ADGRF3: variants seen among roughly 807,000 people sequenced by gnomAD.
The protein encoded by ADGRF3 is adhesion G protein-coupled receptor F3.
In ADGRF3, 85 loss-of-function variants were observed where a neutral mutation model predicts 93.2. The ratio of observed to expected loss-of-function variants is 0.91; its 90% CI spans 0.77 to 1.09. The LOEUF (loss-of-function observed/expected upper bound fraction) is 1.09, where lower values mean the gene tolerates loss of function less well. Among genes scored for constraint, ADGRF3 ranks in the 50% least tolerant of loss-of-function variants. The pLI, the probability that ADGRF3 is intolerant of heterozygous loss-of-function variation, is 0.00. For missense variants in ADGRF3, 1,125 were observed against 1,246.2 expected, an observed-to-expected ratio of 0.90 and a Z score of 1.46; for synonymous variants, 534 against 532.5, an observed-to-expected ratio of 1.00 and a Z score of -0.04.
intron 1 of ADGRF3, among the ~76,000 whole-genome samples, chr2:26,342,848 G>T (rs1676468338): frequency 6.6e-6 from 1 of 152,222 alleles, no homozygotes; most frequent in African/African-American, 2.4e-5. Flanking sequence ...AGGTGACTTA[G>T]TTCCAAAGGC....
At chr2:26,333,940 C>T (rs1675901825) in intron 1 of ADGRF3, among the ~76,000 whole-genome samples, 1 of 152,140 alleles carries the variant, frequency 6.6e-6, no homozygotes, top group South Asian at 2.1e-4. Flanking sequence ...TCTGTCTCAG[C>T]CTCCTGAGTA....
chr2:26,312,336 C>T (rs775548787), intron 9 of ADGRF3, among the ~76,000 whole-genome samples: 4 of 152,196 alleles, frequency 2.6e-5, no homozygotes, highest in African/African-American at 4.8e-5. Context: ...GAAAACCCTT[C>T]TTCCCCCTCC....
chr2:26,335,642 GTT>G (rs34187680), intron 1 of ADGRF3, among the ~76,000 whole-genome samples: 8 of 150,232 alleles, frequency 5.3e-5, no homozygotes, highest in Non-Finnish European at 8.9e-5. Context: ...TGCCAACGCT[GTT>G]TTTTTTTTCC....
intron 1 of ADGRF3, among the ~76,000 whole-genome samples, chr2:26,321,620 A>G (rs1003916043): frequency 9.9e-5 from 15 of 152,098 alleles, no homozygotes; most frequent in Non-Finnish European, 2.2e-4. Flanking sequence ...CAGTGGAGGG[A>G]AGGCTGTTCA....
At position 26,310,940 on chromosome 2, in the gene ADGRF3, C is replaced by G. The variant is rs58453991; in HGVS notation, c.2584G>C (p.Val862Leu). 24 of 1,613,422 alleles carry G rather than the reference C, an allele frequency of 1.5e-5. No homozygotes were observed. The highest frequency in any genetic ancestry group is 5.0e-5 in the Admixed American group (3 of 59,952). ...CCTATGATGGCCAGCACTGGCCCCA[C>G]GAAGGTGTATAACGCCCCTCCCTTC... ...DGKGGALYTF[V>L]GPVLAIIGVN... The change falls in exon 10 of 14, where the codon GTG (valine) becomes CTG (leucine). Residue 862 changes from valine to leucine, a missense_variant. Transcript: ENST00000651242.
At chr2:26,312,582 C>T (rs146617507) in intron 9 of ADGRF3, among the ~76,000 whole-genome samples, 3 of 152,218 alleles carry the variant, frequency 2.0e-5, no homozygotes, top group Non-Finnish European at 4.4e-5. Context: ...CCAATGGATG[C>T]CCATACAGAG....
chr2:26,322,514 T>C (rs984365536), intron 1 of ADGRF3, among the ~76,000 whole-genome samples: 4 of 152,156 alleles, frequency 2.6e-5, no homozygotes, highest in African/African-American at 9.7e-5. Context: ...ATTGATAAAA[T>C]TGAGATTTAT....
rs754886126 is a variant in ADGRF3 at position 26,311,927 on chromosome 2, AG to A, written c.1596del (p.Phe533SerfsTer52). The A allele has an allele frequency of 1.9e-6, 3 of 1,613,884 alleles. No individual in the cohort carries two copies. The highest frequency in any genetic ancestry group is 2.5e-6 in the Non-Finnish European group (3 of 1,179,842). On this transcript the variant is annotated frameshift_variant, in exon 10 of 14. Transcript: ENST00000651242. LOFTEE classifies it high-confidence loss of function. Reference sequence around the variant, plus strand: ...AGCACATTGGGTAAGCTGAAGGCGAAGGGGTGGTCCTGTGGGCACAGGCTGC... The same window carrying A: ...AGCACATTGGGTAAGCTGAAGGCGAAGGGTGGTCCTGTGGGCACAGGCTGC... ...LACSLCPQDH[P>X]FAFSLPNVLL... is the part of the protein sequence containing the mutation.
intron 1 of ADGRF3, 105 bp downstream of exon 1, chr2:26,346,016 C>T: frequency 1.6e-6 from 2 of 1,230,178 alleles, no homozygotes; most frequent in African/African-American, 1.5e-5. Context: ...AGCAACCCCC[C>T]CTCGATGGGC....
In ADGRF3 at chr2:26,311,224, C is replaced by T. The variant is rs748738124; in HGVS notation, c.2300G>A (p.Gly767Glu). The change falls in exon 10 of 14, where the codon GGG becomes GAG. Residue 767 changes from glycine to glutamate, a missense_variant. By Grantham distance (98) the Gly-to-Glu change is moderately conservative. Coordinates refer to ENST00000651242, the MANE Select transcript of ADGRF3 (RefSeq NM_001321971.2). ...CFLGAPFLSP[G>E]PRSPLCLAAA... The stretch of plus-strand genomic sequence containing the variant: ...AGCAAGGCAGAGCGGGCTTCGGGGC[C>T]CTGGAGAGAGGAATGGGGCGCCCAG... 16 of 1,606,112 alleles carry T rather than the reference C, an allele frequency of 1.0e-5. 1 individual carries two copies. Among genetic ancestry groups the T allele is most frequent in the South Asian group, 4.4e-5 (4 of 90,044 alleles).
Position 26,316,435 on chromosome 2 carries a change from G to T in ADGRF3, c.339C>A (p.Asn113Lys), listed in dbSNP as rs1440907860. 5.2e-6 allele frequency: 8 copies of T among 1,551,546 alleles called. No individual in the cohort carries two copies. Residue 113 changes from asparagine to lysine, a missense_variant, in exon 4 of 14, where the codon AAC (asparagine) becomes AAA (lysine). Physicochemically the swap from Asn to Lys is moderately conservative, Grantham distance 94 (BLOSUM62 0). Coordinates refer to ENST00000651242, the MANE Select transcript of ADGRF3 (RefSeq NM_001321971.2). Reference sequence around the variant, plus strand: ...AAGCACAATAGAAATTCCCCTTGTGGTTGACATTACACTCTGACAGAGAGA... The same window carrying T: ...AAGCACAATAGAAATTCCCCTTGTGTTTGACATTACACTCTGACAGAGAGA... ...GLRLTTECNV[N>K]HKGNFYCACL... is the part of the protein sequence containing the mutation.
chr2:26,314,500 G>A lies in ADGRF3; in HGVS notation c.842C>T (p.Thr281Ile), dbSNP rs1460602509. The A allele has an allele frequency of 6.2e-7, 1 of 1,613,960 alleles. No homozygotes were observed. Among genetic ancestry groups the A allele is most frequent in the African/African-American group, 1.3e-5 (1 of 74,954 alleles). ...GCAGCTCAGCTGGAAGCCAGGGGAG[G>A]TGGCACAGGAGATGGACAGCTGGTA... ...LPYQLSISCA[T>I]SPGFQLSCCI... The change falls in exon 6 of 14, where the codon ACC becomes ATC. Residue 281 changes from threonine to isoleucine, a missense_variant. By Grantham distance (89) the Thr-to-Ile change is moderately conservative (BLOSUM62 -1). Coordinates refer to ENST00000651242, the MANE Select transcript of ADGRF3 (RefSeq NM_001321971.2).
chr2:26,333,848 G>A (rs1675896250), intron 1 of ADGRF3, among the ~76,000 whole-genome samples: 1 of 151,914 alleles, frequency 6.6e-6, no homozygotes, highest in Non-Finnish European at 1.5e-5. Flanking sequence ...TTTTAAGACA[G>A]AGTCTGGCTG....
rs947756833 is a variant in ADGRF3 at position 26,313,704 on chromosome 2, C to T, written c.1072+56G>A. 1.6e-5 allele frequency: 26 copies of T among 1,603,978 alleles called. No homozygotes were observed. In the Admixed American group the frequency reaches 1.9e-4, roughly 11 times the overall value. The stretch of plus-strand genomic sequence containing the variant: ...CAGAGACGTGCCATGCAAGAGAGCC[C>T]GTGCTCCCAAGGCAAGCAGCTGGGA... On this transcript the variant is annotated intron_variant, in intron 7 of 13. Coordinates refer to ENST00000651242, the MANE Select transcript of ADGRF3 (RefSeq NM_001321971.2).
intron 12 of ADGRF3, 146 bp downstream of exon 12, chr2:26,309,897 C>T: frequency 6.4e-7 from 1 of 1,553,522 alleles, no homozygotes; most frequent in Non-Finnish European, 8.7e-7. Context: ...TGGTGGGGAG[C>T]TGGAACCGGA....
chr2:26,328,730 G>A (rs567032140), intron 1 of ADGRF3, among the ~76,000 whole-genome samples: 85 of 152,330 alleles, frequency 5.6e-4, no homozygotes, highest in African/African-American at 1.9e-3. Context: ...GGGATTACAG[G>A]CATGAGGCAC....
chr2:26,321,704 G>A (rs1374298906), intron 1 of ADGRF3, among the ~76,000 whole-genome samples: 1 of 152,118 alleles, frequency 6.6e-6, no homozygotes, highest in Non-Finnish European at 1.5e-5. Context: ...GGGCGCGGTG[G>A]CTCACACCTG....
intron 1 of ADGRF3, among the ~76,000 whole-genome samples, chr2:26,343,839 T>G (rs1161931206): frequency 6.6e-6 from 1 of 152,236 alleles, no homozygotes; most frequent in Non-Finnish European, 1.5e-5. Flanking sequence ...AACCAATTTC[T>G]GGGTTATGCT....
Position 26,313,538 on chromosome 2 carries a change from G to A in ADGRF3, c.1108C>T (p.Leu370Phe), listed in dbSNP as rs769559596. Residue 370 changes from leucine to phenylalanine, a missense_variant, in exon 8 of 14, where the codon CTC becomes TTC. Coordinates refer to ENST00000651242, the MANE Select transcript of ADGRF3 (RefSeq NM_001321971.2). ...CCAGCCTTGGTGACATTCCAGGTGA[G>A]CACCGAGGCGTCCTCAGGGCAGGTG... ...DITCPEDASV[L>F]TWNVTKAGHV... 40 of 1,609,788 alleles carry A rather than the reference G, an allele frequency of 2.5e-5. No individual in the cohort carries two copies. The highest frequency in any genetic ancestry group is 3.2e-5 in the Non-Finnish European group (38 of 1,179,256).
Sources: allele counts gnomAD v4.1 joint callset (sites outside exome capture counted in the v4.1 genomes callset), GRCh38; gene constraint gnomAD v4.1.1; transcripts MANE v1.5; gene names NCBI Gene and HGNC (gene_info 2026-07-23, HGNC 2026-07-21).